The following LRRIQ1 variants were observed in gnomAD, a reference collection of about 807,000 sequenced individuals.
The protein encoded by LRRIQ1 is leucine-rich repeat- and IQ domain-containing protein 1.
Under a neutral mutation model 211.9 loss-of-function variants are expected in LRRIQ1, and 210 were observed. That is an observed-to-expected ratio of 0.99 (90% CI 0.89 to 1.11). The LOEUF (loss-of-function observed/expected upper bound fraction) is 1.11, where lower values mean the gene tolerates loss of function less well. LRRIQ1 is among the 50% of genes most tolerant of loss of function. The probability of loss-of-function intolerance (pLI) is 0.00; values close to 1 mark genes in which losing one functional copy is unlikely to be tolerated. For missense variants in LRRIQ1, 2,136 were observed against 1,939.5 expected (o/e 1.10, Z -1.90); for synonymous variants, 699 against 650.1 (o/e 1.08, Z -1.14).
intron 9 of LRRIQ1, among the ~76,000 whole-genome samples, chr12:85,065,895 C>G (rs1882377682): frequency 6.6e-6 from 1 of 151,886 alleles, no homozygotes; most frequent in Non-Finnish European, 1.5e-5. Context: ...GGGAATCTCT[C>G]TAGTTATCTG....
chr12:85,159,799 A>G (rs1890765736), intron 23 of LRRIQ1, among the ~76,000 whole-genome samples: 1 of 151,882 alleles, frequency 6.6e-6, no homozygotes, highest in Non-Finnish European at 1.5e-5. Flanking sequence ...TACTTATTTT[A>G]TGAAATATAT....
At chr12:85,132,349 G>C (rs1272632666) in intron 18 of LRRIQ1, among the ~76,000 whole-genome samples, 3 of 152,250 alleles carry the variant, frequency 2.0e-5, no homozygotes, top group Admixed American at 6.5e-5. Context: ...TCGGGACAGG[G>C]TTGCAGAGGA....
chr12:85,085,694 G>C (rs151120911), intron 11 of LRRIQ1, among the ~76,000 whole-genome samples: 18 of 152,228 alleles, frequency 1.2e-4, no homozygotes, highest in African/African-American at 4.3e-4. Context: ...GTAGTATTTG[G>C]TTTTCTGTTT....
At chr12:85,169,008 C>T (rs1294100263) in intron 24 of LRRIQ1, among the ~76,000 whole-genome samples, 1 of 152,116 alleles carries the variant, frequency 6.6e-6, no homozygotes, top group African/African-American at 2.4e-5. Flanking sequence ...TCAATAGTAT[C>T]CTGAGGAAAT....
At chr12:85,255,896 C>T (rs901693108) in intron 1 of LRRIQ1, among the ~76,000 whole-genome samples, 4 of 151,534 alleles carry the variant, frequency 2.6e-5, no homozygotes, top group African/African-American at 9.7e-5. Flanking sequence ...GCTGTTACAC[C>T]AAGAGCATAT....
At chr12:85,159,935 A>T (rs1890772914) in intron 23 of LRRIQ1, among the ~76,000 whole-genome samples, 1 of 152,024 alleles carries the variant, frequency 6.6e-6, no homozygotes, top group Non-Finnish European at 1.5e-5. Flanking sequence ...CATTTTCCCT[A>T]ATCTTGAGAA....
chr12:85,097,380 A>G (rs1885971790), intron 11 of LRRIQ1, among the ~76,000 whole-genome samples: 1 of 152,008 alleles, frequency 6.6e-6, no homozygotes, highest in African/African-American at 2.4e-5. Flanking sequence ...CATCATTTAC[A>G]TTAGGTATAT....
intron 24 of LRRIQ1, among the ~76,000 whole-genome samples, chr12:85,163,693 A>G (rs1473275676): frequency 6.6e-6 from 1 of 152,150 alleles, no homozygotes; most frequent in Non-Finnish European, 1.5e-5. Context: ...AGGATGGTAG[A>G]TATATCTCTG....
At chr12:85,137,769 C>A in intron 18 of LRRIQ1, 81 bp from the exon 19 acceptor site, 6 of 1,179,104 alleles carry the variant, frequency 5.1e-6, no homozygotes, top group African/African-American at 1.6e-5. Context: ...GATGTTTTAT[C>A]TTCCTAATGG....
intron 26 of LRRIQ1, among the ~76,000 whole-genome samples, chr12:85,240,986 A>G (rs1205738436): frequency 1.3e-5 from 2 of 152,124 alleles, no homozygotes; most frequent in Non-Finnish European, 1.5e-5. Context: ...ACATATATGT[A>G]TGCATAATTT....
intron 11 of LRRIQ1, among the ~76,000 whole-genome samples, chr12:85,097,129 T>G (rs1321738003): frequency 1.3e-5 from 2 of 152,142 alleles, no homozygotes; most frequent in African/African-American, 4.8e-5. Context: ...TTGTGCCTTT[T>G]AAGGGGGCAT....
chr12:85,205,609 G>A (rs185934469), intron 24 of LRRIQ1, among the ~76,000 whole-genome samples: 19 of 152,112 alleles, frequency 1.2e-4, no homozygotes, highest in African/African-American at 3.9e-4. Flanking sequence ...ATTTTGCAAG[G>A]GTTCCCTGAA....
At chr12:85,121,972 T>G in intron 16 of LRRIQ1, 96 bp downstream of exon 16, 1 of 1,097,256 alleles carries the variant, frequency 9.1e-7, no homozygotes, top group Non-Finnish European at 1.2e-6. Flanking sequence ...TTATACTTTT[T>G]TGGATTAGAA....
At chr12:85,230,401 G>T (rs1242656446) in intron 25 of LRRIQ1, among the ~76,000 whole-genome samples, 1 of 152,166 alleles carries the variant, frequency 6.6e-6, no homozygotes, top group African/African-American at 2.4e-5. Flanking sequence ...CTTTCTTGCT[G>T]TATCCTCACA....
intron 11 of LRRIQ1, among the ~76,000 whole-genome samples, chr12:85,093,441 C>T (rs572692888): frequency 1.7e-4 from 26 of 152,302 alleles, no homozygotes; most frequent in Admixed American, 7.8e-4. Flanking sequence ...CCTTAACTCA[C>T]ATCTGTTTGC....
At chr12:85,123,092 A>G (rs1302352563) in intron 16 of LRRIQ1, among the ~76,000 whole-genome samples, 1 of 150,848 alleles carries the variant, frequency 6.6e-6, no homozygotes, top group Non-Finnish European at 1.5e-5. Context: ...ATATTCTAAT[A>G]TTGAACTTTT....
chr12:85,095,807 A>T (rs1163261982), intron 11 of LRRIQ1, among the ~76,000 whole-genome samples: 2 of 151,828 alleles, frequency 1.3e-5, no homozygotes, highest in Non-Finnish European at 2.9e-5. Context: ...CTTTTTTTTA[A>T]AATTACTAAT....
chr12:85,174,464 G>C (rs1565884446), intron 24 of LRRIQ1, among the ~76,000 whole-genome samples: 2 of 151,680 alleles, frequency 1.3e-5, no homozygotes, highest in African/African-American at 2.4e-5. Flanking sequence ...GGGAGGCCAA[G>C]GTGGGCAGAT....
chr12:85,046,660 C>T (rs1879623993), intron 5 of LRRIQ1, among the ~76,000 whole-genome samples: 1 of 151,972 alleles, frequency 6.6e-6, no homozygotes, highest in African/African-American at 2.4e-5. Context: ...GGGTATATAC[C>T]CAAAGGATTA....
Sources: allele counts gnomAD v4.1 joint callset (sites outside exome capture counted in the v4.1 genomes callset), GRCh38; gene constraint gnomAD v4.1.1; transcripts MANE v1.5; gene names NCBI Gene and HGNC (gene_info 2026-07-23, HGNC 2026-07-21).